SLCO6A1: variants seen among roughly 807,000 people sequenced by gnomAD.
SLCO6A1 encodes the protein cancer/testis antigen 48.
Under a neutral mutation model 72.7 loss-of-function variants are expected in SLCO6A1, and 65 were observed. The observed-to-expected ratio is 0.89, with a 90% CI of 0.73 to 1.10. SLCO6A1 has a LOEUF of 1.10. Among genes scored for constraint, SLCO6A1 ranks in the 50% least tolerant of loss-of-function variants. The pLI, the probability that SLCO6A1 is intolerant of heterozygous loss-of-function variation, is 0.00. For synonymous variants in SLCO6A1, 314 were observed against 298.2 expected, an observed-to-expected ratio of 1.05 and a Z score of -0.55; for missense variants, 874 against 872.6, an observed-to-expected ratio of 1.00 and a Z score of -0.02.
chr5:102,429,710 C>G (rs187737131), intron 7 of SLCO6A1, among the ~76,000 whole-genome samples: 2 of 150,660 alleles, frequency 1.3e-5, no homozygotes, highest in Non-Finnish European at 3.0e-5. Context: ...ACTGTAGCCC[C>G]GTAGTATAGT....
At chr5:102,486,568 A>G (rs1752450183) in intron 1 of SLCO6A1, among the ~76,000 whole-genome samples, 1 of 152,160 alleles carries the variant, frequency 6.6e-6, no homozygotes, top group Admixed American at 6.5e-5. Flanking sequence ...TGTGAAGTCT[A>G]TTGTTTCCAG....
chr5:102,449,954 T>C (rs753622967), intron 6 of SLCO6A1, among the ~76,000 whole-genome samples: 1 of 152,228 alleles, frequency 6.6e-6, no homozygotes, highest in Non-Finnish European at 1.5e-5. Flanking sequence ...GTCATGAAAT[T>C]CTTGTAGTGC....
At chr5:102,423,976 A>C (rs1334739255) in intron 7 of SLCO6A1, among the ~76,000 whole-genome samples, 1 of 152,226 alleles carries the variant, frequency 6.6e-6, no homozygotes, top group Non-Finnish European at 1.5e-5. Flanking sequence ...AACACACTCA[A>C]AACTGCATAA....
In SLCO6A1 at chr5:102,498,670, T is replaced by C. The variant is rs1364204694; in HGVS notation, c.175A>G (p.Ile59Val). 2 of 1,614,102 alleles carry C rather than the reference T, an allele frequency of 1.2e-6. No individual in the cohort carries two copies. The highest frequency in any genetic ancestry group is 1.7e-5 in the Admixed American group (1 of 60,014). The change falls in exon 1 of 14, where the codon ATA becomes GTA. Residue 59 changes from isoleucine (I) to valine (V), a missense_variant. Transcript: ENST00000506729. The part of the protein sequence containing the change: ...RYLRLLPEAL[I>V]RFGGFRKRKK... ...CTTTTTCGGAAACCGCCGAACCTTA[T>C]CAAGGCCTCTGGAAGTAGTCTCAGA...
intron 9 of SLCO6A1, among the ~76,000 whole-genome samples, chr5:102,401,766 G>T (rs1308386529): frequency 2.6e-5 from 4 of 152,082 alleles, no homozygotes; most frequent in Non-Finnish European, 5.9e-5. Context: ...TAAACACCAT[G>T]ATTTCACTTG....
Position 102,480,471 on chromosome 5 carries a change from G to A in SLCO6A1, c.359-37C>T, listed in dbSNP as rs765573134. The A allele has an allele frequency of 7.6e-6, 12 of 1,570,158 alleles. No individual in the cohort carries two copies. In the Admixed American group the frequency reaches 2.1e-4, roughly 28 times the overall value. ...AAAGAAAAAGAGAAAACAACGATAT[G>A]CATTTTAAGAGGTCATTATGATTAT... is the stretch of plus-strand genomic sequence containing the variant. On this transcript the variant is annotated intron_variant, in intron 1 of 13. Transcript: ENST00000506729.
chr5:102,411,519 C>T (rs377232580), intron 9 of SLCO6A1, among the ~76,000 whole-genome samples: 3 of 152,100 alleles, frequency 2.0e-5, no homozygotes, highest in East Asian at 1.9e-4. Context: ...CCCTTTTAGG[C>T]CTCCCAAAGT....
At chr5:102,389,455 C>CG (rs1554065650) in intron 11 of SLCO6A1, among the ~76,000 whole-genome samples, 1 of 57,344 alleles carries the variant, frequency 1.7e-5, no homozygotes. Context: ...GCCCCCCACC[C>CG]CCACACACAC....
At chr5:102,469,986 A>G (rs1360705035) in intron 4 of SLCO6A1, among the ~76,000 whole-genome samples, 1 of 152,216 alleles carries the variant, frequency 6.6e-6, no homozygotes, top group Admixed American at 6.5e-5. Context: ...ATGTTGAACC[A>G]GCCTTGCATC....
At chr5:102,445,396 C>T (rs1580439842) in intron 6 of SLCO6A1, among the ~76,000 whole-genome samples, 1 of 152,084 alleles carries the variant, frequency 6.6e-6, no homozygotes, top group African/African-American at 2.4e-5. Flanking sequence ...GAAAAAGTGT[C>T]TGTTTATGTC....
chr5:102,439,068 GA>G (rs1311782519), intron 6 of SLCO6A1, among the ~76,000 whole-genome samples: 1 of 151,812 alleles, frequency 6.6e-6, no homozygotes, highest in Non-Finnish European at 1.5e-5. Context: ...AAAGATTAGA[GA>G]AAAATAGGTA....
rs550163689 is a variant in SLCO6A1, at chr5:102,394,126, G to A, written c.1815-3081C>T. ...ACCTCTGAAAGCTTCTGCTCTCTCC[G>A]GAATTTTGATCCCTTTAGTCCTTTG... On this transcript the variant is annotated intron_variant, in intron 10 of 13. Transcript: ENST00000506729. Among the ~76,000 whole-genome samples, 4 of 152,074 alleles carry A rather than the reference G, an allele frequency of 2.6e-5. No homozygotes were observed. The South Asian group carries it at 8.3e-4, about 32-fold the overall frequency.
chr5:102,423,387 T>G (rs1174529865), intron 7 of SLCO6A1, among the ~76,000 whole-genome samples: 1 of 152,128 alleles, frequency 6.6e-6, no homozygotes, highest in Non-Finnish European at 1.5e-5. Context: ...CCATCTCATG[T>G]GCAAAGACAC....
chr5:102,498,165 C>T (rs1464495632), intron 1 of SLCO6A1, among the ~76,000 whole-genome samples: 2 of 152,092 alleles, frequency 1.3e-5, no homozygotes, highest in Non-Finnish European at 1.5e-5. Context: ...TGATCCCATC[C>T]CAGAATGCTG....
Position 102,414,449 on chromosome 5 carries a change from T to C in SLCO6A1, c.1473-1306A>G, listed in dbSNP as rs142425793. On this transcript the variant is annotated intron_variant, in intron 8 of 13. Transcript: ENST00000506729. Reference sequence around the variant, plus strand: ...GGAAAAGAGAAAGTCAAATTATCCCTGATCATTGATGATACAATCTTAGGC... The same window carrying C: ...GGAAAAGAGAAAGTCAAATTATCCCCGATCATTGATGATACAATCTTAGGC... Among the ~76,000 whole-genome samples, 318 of 152,268 alleles carry C rather than the reference T, an allele frequency of 2.1e-3. 3 individuals carry two copies. The highest frequency in any genetic ancestry group is 7.3e-3 in the African/African-American group (302 of 41,548).
At position 102,396,744 on chromosome 5, in the gene SLCO6A1, T is replaced by G. The variant is rs117970355; in HGVS notation, c.1814+2811A>C. 1.8e-3 allele frequency among the ~76,000 whole-genome samples: 273 copies of G among 152,262 alleles called. 9 individuals are homozygous for G. In the East Asian group the frequency reaches 0.044, roughly 24 times the overall value. Reference sequence around the variant, plus strand: ...GAAATTGTAAAAATAGTACAAAGCATGCTGTGTATCTTCTCCCAACTTCTT... The same window carrying G: ...GAAATTGTAAAAATAGTACAAAGCAGGCTGTGTATCTTCTCCCAACTTCTT... On this transcript the variant is annotated intron_variant, in intron 10 of 13. Transcript: ENST00000506729.
chr5:102,410,229 G>A (rs1444169767), intron 9 of SLCO6A1, among the ~76,000 whole-genome samples: 1 of 152,000 alleles, frequency 6.6e-6, no homozygotes, highest in Admixed American at 6.6e-5. Context: ...GGAGTCCCTC[G>A]AGAGGGTTGC....
chr5:102,408,574 T>A (rs1043982705), intron 9 of SLCO6A1, among the ~76,000 whole-genome samples: 2 of 152,042 alleles, frequency 1.3e-5, no homozygotes, highest in Non-Finnish European at 2.9e-5. Context: ...ATGATATCTT[T>A]TAAATGTTGG....
At chr5:102,435,691 A>G (rs1749492085) in intron 7 of SLCO6A1, among the ~76,000 whole-genome samples, 1 of 152,184 alleles carries the variant, frequency 6.6e-6, no homozygotes, top group African/African-American at 2.4e-5. Context: ...CCTGAGCAAC[A>G]TGGAGAAACC....
Sources: allele counts gnomAD v4.1 joint callset (sites outside exome capture counted in the v4.1 genomes callset), GRCh38; gene constraint gnomAD v4.1.1; transcripts MANE v1.5; gene names NCBI Gene and HGNC (gene_info 2026-07-23, HGNC 2026-07-21).